SPAG16: variants seen among roughly 807,000 people sequenced by gnomAD.
The protein encoded by SPAG16 is sperm-associated antigen 16 protein.
A neutral mutation model predicts 80.4 loss-of-function variants in SPAG16; 86 were observed. That is an observed-to-expected ratio of 1.07 (90% CI 0.90 to 1.28). The LOEUF (loss-of-function observed/expected upper bound fraction) is 1.28. SPAG16 is among the 50% of genes most tolerant of loss of function. SPAG16 has a pLI of 0.00. For missense variants in SPAG16, 870 were observed against 765.3 expected, an observed-to-expected ratio of 1.14 and a Z score of -1.61; for synonymous variants, 294 against 265.9, an observed-to-expected ratio of 1.11 and a Z score of -1.03.
At chr2:213,748,978 C>G (rs570485261) in intron 10 of SPAG16, among the ~76,000 whole-genome samples, 1 of 152,066 alleles carries the variant, frequency 6.6e-6, no homozygotes, top group Non-Finnish European at 1.5e-5. Context: ...GAAACCCTGT[C>G]TCTATTAAAA....
intron 14 of SPAG16, among the ~76,000 whole-genome samples, chr2:214,114,502 C>T (rs1366956140): frequency 6.6e-6 from 1 of 152,196 alleles, no homozygotes; most frequent in Non-Finnish European, 1.5e-5. Context: ...CAAGCCTCAG[C>T]AATGGTGGAT....
At chr2:213,324,896 A>G (rs979328519) in intron 5 of SPAG16, among the ~76,000 whole-genome samples, 2 of 152,118 alleles carry the variant, frequency 1.3e-5, no homozygotes. Flanking sequence ...ACAGCTACTA[A>G]CATTGAGTGT....
intron 11 of SPAG16, among the ~76,000 whole-genome samples, chr2:213,863,844 A>G (rs186634275): frequency 8.5e-4 from 129 of 152,286 alleles, no homozygotes; most frequent in African/African-American, 2.6e-3. Context: ...TTCCCATTCA[A>G]TTACTGAAAT....
chr2:213,765,295 G>C (rs1036841142), intron 10 of SPAG16, among the ~76,000 whole-genome samples: 1 of 151,240 alleles, frequency 6.6e-6, no homozygotes, highest in Non-Finnish European at 1.5e-5. Flanking sequence ...CTTGAACCCG[G>C]GAGTCGGAGG....
At chr2:214,216,374 T>G (rs2125763134) in intron 15 of SPAG16, among the ~76,000 whole-genome samples, 1 of 152,302 alleles carries the variant, frequency 6.6e-6, no homozygotes, top group East Asian at 1.9e-4. Context: ...CAGGCTGGAA[T>G]GCAGTGGCAC....
chr2:213,347,159 T>C (rs2065042589), intron 6 of SPAG16, among the ~76,000 whole-genome samples: 1 of 152,218 alleles, frequency 6.6e-6, no homozygotes, highest in Admixed American at 6.5e-5. Context: ...CTAGATTTTC[T>C]AGTTTATTTG....
rs2556302 is a variant in SPAG16 at position 213,758,868 on chromosome 2, C to T, written c.1071-103617C>T. Among the ~76,000 whole-genome samples the T allele has an allele frequency of 5.6e-3, 848 of 152,100 alleles. 10 individuals carry two copies. The highest frequency in any genetic ancestry group is 0.02 in the African/African-American group (815 of 41,498). Reference sequence around the variant, plus strand: ...GACATAAACTGAAATACATTATAATCAAAGCTTTAAAAGGTGGAGACAAAG... The same window carrying T: ...GACATAAACTGAAATACATTATAATTAAAGCTTTAAAAGGTGGAGACAAAG... On this transcript the variant is annotated intron_variant, in intron 10 of 15. Transcript: ENST00000331683.
intron 5 of SPAG16, among the ~76,000 whole-genome samples, chr2:213,339,956 C>T (rs1316165641): frequency 6.6e-6 from 1 of 152,080 alleles, no homozygotes; most frequent in Non-Finnish European, 1.5e-5. Flanking sequence ...TTTGGAACTA[C>T]AGGTTTTGCC....
intron 10 of SPAG16, among the ~76,000 whole-genome samples, chr2:213,603,508 G>A (rs2061140464): frequency 1.3e-5 from 2 of 152,124 alleles, no homozygotes; most frequent in South Asian, 2.1e-4. Context: ...GGGAATTCAC[G>A]CTATTCAAAA....
At chr2:213,424,341 A>T (rs1046205695) in intron 9 of SPAG16, among the ~76,000 whole-genome samples, 6 of 152,212 alleles carry the variant, frequency 3.9e-5, no homozygotes, top group African/African-American at 7.2e-5. Context: ...GTGCAAGAAT[A>T]TGTCTTTTTA....
intron 14 of SPAG16, among the ~76,000 whole-genome samples, chr2:214,148,422 C>A (rs1235920664): frequency 6.6e-6 from 1 of 152,064 alleles, no homozygotes; most frequent in Admixed American, 6.6e-5. Context: ...ATCCATTCAC[C>A]CTTCCTTCTG....
rs1252054625 is a variant in SPAG16 at position 213,887,434 on chromosome 2, T to A, written c.1214+24806T>A. 2.6e-5 allele frequency among the ~76,000 whole-genome samples: 4 copies of A among 151,922 alleles called. No homozygotes were observed. The East Asian group carries it at 5.8e-4, about 22-fold the overall frequency. Reference sequence around the variant, plus strand: ...ACTCTCATATCGTATTCGTCTGATGTTTTCTCCTGATTAAAATTAGAGATT... The same window carrying A: ...ACTCTCATATCGTATTCGTCTGATGATTTCTCCTGATTAAAATTAGAGATT... On this transcript the variant is annotated intron_variant, in intron 11 of 15. Transcript: ENST00000331683.
At chr2:213,820,640 G>A (rs1243284957) in intron 10 of SPAG16, among the ~76,000 whole-genome samples, 1 of 151,966 alleles carries the variant, frequency 6.6e-6, no homozygotes, top group Non-Finnish European at 1.5e-5. Context: ...TAATCTGTTA[G>A]TGACTGCAAT....
chr2:213,336,476 A>G (rs1230600335), intron 5 of SPAG16, among the ~76,000 whole-genome samples: 2 of 152,178 alleles, frequency 1.3e-5, no homozygotes, highest in East Asian at 3.9e-4. Flanking sequence ...GAGACTGCCT[A>G]GGAAGACTTA....
At chr2:213,313,138 TACATA>T (rs1393037249) in intron 4 of SPAG16, among the ~76,000 whole-genome samples, 1 of 151,846 alleles carries the variant, frequency 6.6e-6, no homozygotes. Context: ...GTGACTCTTC[TACATA>T]ACATAAAAGT....
intron 3 of SPAG16, among the ~76,000 whole-genome samples, 198 bp downstream of exon 3, chr2:213,297,555 A>G (rs1487464826): frequency 1.3e-5 from 2 of 152,002 alleles, no homozygotes; most frequent in Non-Finnish European, 2.9e-5. Context: ...CATTCTCCAC[A>G]TCATGGTCAC....
chr2:213,826,841 A>C (rs958648404), intron 10 of SPAG16, among the ~76,000 whole-genome samples: 2 of 152,116 alleles, frequency 1.3e-5, no homozygotes, highest in African/African-American at 4.8e-5. Flanking sequence ...GAGGCATTGA[A>C]GTCTCTAGCT....
At chr2:214,240,257 T>C (rs946123038) in intron 15 of SPAG16, 1 of 152,242 alleles carries the variant, frequency 6.6e-6, no homozygotes, top group Non-Finnish European at 1.5e-5. Context: ...GAAGACTGAA[T>C]GTTTCTACAT....
intron 12 of SPAG16, among the ~76,000 whole-genome samples, chr2:213,980,197 T>C (rs1313034738): frequency 7.1e-6 from 1 of 141,258 alleles, no homozygotes; most frequent in Non-Finnish European, 1.5e-5. Flanking sequence ...ATACAAATTT[T>C]ATATATATAT....
Sources: gnomAD v4.1 joint callset for allele counts (sites outside exome capture counted in the v4.1 genomes callset) on GRCh38, gnomAD v4.1.1 for gene constraint, MANE v1.5 for transcripts, NCBI Gene and HGNC (gene_info 2026-07-23, HGNC 2026-07-21) for gene names.